The following RBFOX3 variants were observed in gnomAD, a reference collection of about 807,000 sequenced individuals.
The protein encoded by RBFOX3 is RNA binding fox-1 homolog 3.
A neutral mutation model predicts 48.7 loss-of-function variants in RBFOX3; 17 were observed. The observed-to-expected ratio is 0.35, with a 90% CI of 0.24 to 0.52. The LOEUF is 0.52. Ranked by LOEUF, RBFOX3 falls within the 20% of genes least tolerant of loss-of-function variation. RBFOX3 has a pLI of 0.94. For missense variants in RBFOX3, 382 were observed against 497.5 expected (o/e 0.77, Z 2.21); for synonymous variants, 212 against 209.5 (o/e 1.01, Z -0.10).
intron 2 of RBFOX3, among the ~76,000 whole-genome samples, chr17:79,387,820 C>G (rs776604375): frequency 2.6e-5 from 4 of 152,260 alleles, no homozygotes; most frequent in Non-Finnish European, 5.9e-5. Context: ...CCAACCCATA[C>G]CCCAAGAGCA....
At chr17:79,398,518 G>T (rs951792095) in intron 2 of RBFOX3, among the ~76,000 whole-genome samples, 1 of 152,092 alleles carries the variant, frequency 6.6e-6, no homozygotes, top group Non-Finnish European at 1.5e-5. Flanking sequence ...CCTGGGGAGG[G>T]ACACGTGGCA....
chr17:79,571,011 G>A (rs2092658933), intron 1 of RBFOX3, among the ~76,000 whole-genome samples: 1 of 152,190 alleles, frequency 6.6e-6, no homozygotes, highest in Non-Finnish European at 1.5e-5. Context: ...GCAGGGAGGA[G>A]GAGTGAGGCC....
chr17:79,271,491 CT>C (rs1427463667), intron 3 of RBFOX3, among the ~76,000 whole-genome samples: 1 of 152,200 alleles, frequency 6.6e-6, no homozygotes, highest in Non-Finnish European at 1.5e-5. Flanking sequence ...ATTAGCCGCT[CT>C]TTGCGCTGTC....
At chr17:79,229,110 T>C (rs1349900260) in intron 4 of RBFOX3, among the ~76,000 whole-genome samples, 1 of 151,166 alleles carries the variant, frequency 6.6e-6, no homozygotes, top group African/African-American at 2.4e-5. Flanking sequence ...ACGCCTGTAA[T>C]CCCAGCTACT....
rs141581080 is a variant in RBFOX3 at position 79,408,740 on chromosome 17, C to T, written c.-175+73714G>A. ...ATAATAATAATAACCAGAATTATAA[C>T]GCCAGGTAAAGCTGAGCTGATAACA... is the stretch of plus-strand genomic sequence containing the variant. On this transcript the variant is annotated intron_variant, in intron 2 of 14. Coordinates refer to ENST00000693108, the MANE Select transcript of RBFOX3 (RefSeq NM_001350451.2). Among the ~76,000 whole-genome samples, 490 of 152,242 alleles carry T rather than the reference C, an allele frequency of 3.2e-3. 9 individuals are homozygous for T. The highest frequency in any genetic ancestry group is 8.3e-4 in the South Asian group (4 of 4,824).
Position 79,280,700 on chromosome 17 carries a change from C to T in RBFOX3, c.-74+27024G>A, listed in dbSNP as rs567011239. ...TCATGTAGACGGGCCTTGGGGCGCA[C>T]GGCAGGCGGGGCTGGCATCCTCCTA... is the stretch of plus-strand genomic sequence containing the variant. On this transcript the variant is annotated intron_variant, in intron 3 of 14. Transcript: ENST00000693108. Among the ~76,000 whole-genome samples the T allele has an allele frequency of 2.8e-4, 42 of 152,120 alleles. 1 individual carries two copies. Among genetic ancestry groups the T allele is most frequent in the South Asian group, 2.1e-4 (1 of 4,812 alleles).
intron 1 of RBFOX3, among the ~76,000 whole-genome samples, chr17:79,531,833 A>G (rs2087825991): frequency 6.6e-6 from 1 of 152,194 alleles, no homozygotes; most frequent in Non-Finnish European, 1.5e-5. Context: ...GTGCAAATCA[A>G]TCACGTTCTC....
intron 4 of RBFOX3, among the ~76,000 whole-genome samples, chr17:79,197,987 G>A (rs1567825564): frequency 6.6e-6 from 1 of 152,136 alleles, no homozygotes; most frequent in Non-Finnish European, 1.5e-5. Flanking sequence ...CTGTGACTGC[G>A]GCGCGTGCTT....
chr17:79,133,521 C>T (rs745971926), intron 4 of RBFOX3, among the ~76,000 whole-genome samples: 3 of 152,168 alleles, frequency 2.0e-5, no homozygotes, highest in Non-Finnish European at 4.4e-5. Context: ...GGTCTTCCCT[C>T]CTCTAATCCT....
intron 4 of RBFOX3, among the ~76,000 whole-genome samples, chr17:79,181,632 C>T (rs553719832): frequency 1.9e-3 from 88 of 46,322 alleles, no homozygotes; most frequent in Non-Finnish European, 2.9e-3. Context: ...CTGCCGGCCA[C>T]CCTCTGCCAC....
chr17:79,373,723 G>A (rs369520547), intron 2 of RBFOX3, among the ~76,000 whole-genome samples: 3 of 152,170 alleles, frequency 2.0e-5, no homozygotes, highest in East Asian at 3.9e-4. Flanking sequence ...CCCCGAGCAG[G>A]AGCCGGGCCT....
chr17:79,167,172 G>A (rs1348621799), intron 4 of RBFOX3, among the ~76,000 whole-genome samples: 1 of 152,204 alleles, frequency 6.6e-6, no homozygotes, highest in East Asian at 1.9e-4. Context: ...GGCTGCTGGA[G>A]GCTCAAGTCA....
chr17:79,210,124 A>G (rs1031036408), intron 4 of RBFOX3, among the ~76,000 whole-genome samples: 1 of 152,308 alleles, frequency 6.6e-6, no homozygotes, highest in East Asian at 1.9e-4. Context: ...TAACCTCTGG[A>G]GCCCGAGGGA....
rs529091021 is a variant in RBFOX3, at chr17:79,090,685, G to A, written c.*198C>T. 15 of 655,724 alleles carry A rather than the reference G, an allele frequency of 2.3e-5. No homozygotes were observed. The highest frequency in any genetic ancestry group is 1.2e-4 in the Admixed American group (4 of 32,326). 40.6% of individuals were successfully genotyped at this position (655,724 alleles called of 1,614,324 possible). A position where few individuals can be genotyped will look rare whatever the true frequency, so the allele number is the denominator to read the frequency against. On this transcript the variant is annotated 3_prime_UTR_variant, in exon 15 of 15. Transcript: ENST00000693108. The stretch of plus-strand genomic sequence containing the variant: ...TCCTGTCCTGGGGCCGCTCCTCGGC[G>A]CCCCTGCCGGCGTGCTCCCTCGGTG...
At chr17:79,476,708 A>C (rs2077817456) in intron 2 of RBFOX3, among the ~76,000 whole-genome samples, 1 of 152,196 alleles carries the variant, frequency 6.6e-6, no homozygotes, top group African/African-American at 2.4e-5. Context: ...GCAGAGAAGG[A>C]ACCAGATGAT....
chr17:79,231,775 T>C (rs1047718314), intron 4 of RBFOX3, among the ~76,000 whole-genome samples: 2 of 152,216 alleles, frequency 1.3e-5, no homozygotes, highest in African/African-American at 4.8e-5. Context: ...AAACCATTGA[T>C]GAAATTAAAG....
At chr17:79,389,390 A>ACTT (rs1327950901) in intron 2 of RBFOX3, among the ~76,000 whole-genome samples, 1 of 152,078 alleles carries the variant, frequency 6.6e-6, no homozygotes. Flanking sequence ...TGGACTTTTG[A>ACTT]CTTCTCCCCG....
At chr17:79,515,803 G>A (rs1333154906) in intron 1 of RBFOX3, among the ~76,000 whole-genome samples, 4 of 141,346 alleles carry the variant, frequency 2.8e-5, no homozygotes, top group Admixed American at 7.0e-5. Flanking sequence ...AGAGTCCGTC[G>A]CCACCCTTCA....
intron 2 of RBFOX3, among the ~76,000 whole-genome samples, chr17:79,317,577 T>C (rs889359698): frequency 1.3e-5 from 2 of 152,218 alleles, no homozygotes; most frequent in African/African-American, 4.8e-5. Context: ...CAGGGCCTTC[T>C]AGTGAAGGGG....
Sources: allele counts gnomAD v4.1 joint callset (sites outside exome capture counted in the v4.1 genomes callset), GRCh38; gene constraint gnomAD v4.1.1; transcripts MANE v1.5; gene names NCBI Gene and HGNC (gene_info 2026-07-23, HGNC 2026-07-21).